UTRN: variants seen among roughly 807,000 people sequenced by gnomAD.
UTRN encodes the protein utrophin.
A neutral mutation model predicts 463.9 loss-of-function variants in UTRN; 283 were observed. The observed-to-expected ratio is 0.61, with a 90% CI of 0.55 to 0.67. UTRN has a LOEUF of 0.67. Among genes scored for constraint, UTRN ranks in the 30% least tolerant of loss-of-function variants. The probability of loss-of-function intolerance (pLI) is 0.00; values close to 1 mark genes in which losing one functional copy is unlikely to be tolerated. For synonymous variants in UTRN, 1,442 were observed against 1,431.5 expected, an observed-to-expected ratio of 1.01 and a Z score of -0.17; for missense variants, 3,922 against 4,084.3, an observed-to-expected ratio of 0.96 and a Z score of 1.08.
At chr6:144,542,937 C>A in intron 46 of UTRN, 67 bp downstream of exon 46, 1 of 1,322,936 alleles carries the variant, frequency 7.6e-7, no homozygotes, top group Non-Finnish European at 1.0e-6. Flanking sequence ...TGATATGAGC[C>A]TCATACATGA....
At chr6:144,640,864 A>T (rs1308242786) in intron 51 of UTRN, among the ~76,000 whole-genome samples, 1 of 152,222 alleles carries the variant, frequency 6.6e-6, no homozygotes, top group African/African-American at 2.4e-5. Context: ...TCTTTTGGTT[A>T]TCAGTTTCAT....
intron 72 of UTRN, 108 bp downstream of exon 72, chr6:144,839,392 A>G: frequency 2.4e-6 from 2 of 835,254 alleles, no homozygotes; most frequent in Non-Finnish European, 3.6e-6. Context: ...CTTAGGAAGT[A>G]AAAGAGTTTT....
chr6:144,485,250 C>T (rs1025509653), intron 27 of UTRN, 135 bp from the exon 28 acceptor site: 9 of 1,312,424 alleles, frequency 6.9e-6, no homozygotes, highest in Non-Finnish European at 9.4e-6. Context: ...TTTGAAGTTT[C>T]AACTCCATCA....
At chr6:144,588,031 T>C (rs1242515277) in intron 51 of UTRN, among the ~76,000 whole-genome samples, 1 of 152,198 alleles carries the variant, frequency 6.6e-6, no homozygotes, top group Non-Finnish European at 1.5e-5. Flanking sequence ...TCTCTATGGA[T>C]GCTGTAGGTG....
chr6:144,415,788 G>A (rs929743449), intron 3 of UTRN, among the ~76,000 whole-genome samples: 1 of 152,154 alleles, frequency 6.6e-6, no homozygotes, highest in African/African-American at 2.4e-5. Flanking sequence ...AGATCAGTTG[G>A]CTGGAGCTGG....
At chr6:144,572,549 C>G (rs1392351959) in intron 50 of UTRN, among the ~76,000 whole-genome samples, 1 of 150,830 alleles carries the variant, frequency 6.6e-6, no homozygotes, top group Non-Finnish European at 1.5e-5. Flanking sequence ...CCTTCCCTTG[C>G]CCCCCACCCC....
At chr6:144,410,608 T>C (rs1783803153) in intron 3 of UTRN, among the ~76,000 whole-genome samples, 1 of 145,098 alleles carries the variant, frequency 6.9e-6, no homozygotes, top group African/African-American at 2.5e-5. Context: ...CCAAAGTCCA[T>C]TGTATCATTC....
intron 71 of UTRN, 102 bp downstream of exon 71, chr6:144,836,643 C>G: frequency 6.7e-7 from 1 of 1,490,790 alleles, no homozygotes; most frequent in Non-Finnish European, 9.0e-7. Context: ...AGTCCACTTT[C>G]AATTTCTTAC....
At chr6:144,789,054 A>G in intron 61 of UTRN, 140 bp from the exon 62 acceptor site, 1 of 669,298 alleles carries the variant, frequency 1.5e-6, no homozygotes, top group Non-Finnish European at 2.5e-6. Flanking sequence ...TTAATTGTTA[A>G]AAGTTAATAG....
chr6:144,803,062 A>G lies in UTRN; in HGVS notation c.9272A>G (p.Tyr3091Cys). 3 of 1,587,200 alleles carry G rather than the reference A, an allele frequency of 1.9e-6. No homozygotes were observed. The highest frequency in any genetic ancestry group is 1.4e-5 in the African/African-American group (1 of 74,054). Reference sequence around the variant, plus strand: ...TATAGAAGCCTTAAGCATTTTAACTATGATGTCTGCCAGAGTTGTTTCTTT... The same window carrying G: ...TATAGAAGCCTTAAGCATTTTAACTGTGATGTCTGCCAGAGTTGTTTCTTT... Reference protein sequence around the residue: ...FRYRSLKHFNYDVCQSCFFSG... With the variant: ...FRYRSLKHFNCDVCQSCFFSG... The change falls in exon 65 of 75, where the codon TAT becomes TGT. Residue 3091 changes from tyrosine (Y) to cysteine (C), a missense_variant. Around this residue, in one of 3 missense-constraint regions of UTRN, gnomAD observed 1,309 missense variants for 1,452.6 expected, o/e 0.90. Coordinates refer to ENST00000367545, the MANE Select transcript of UTRN (RefSeq NM_007124.3).
intron 2 of UTRN, among the ~76,000 whole-genome samples, chr6:144,294,495 T>C (rs1181240766): frequency 1.3e-5 from 2 of 152,202 alleles, no homozygotes; most frequent in African/African-American, 4.8e-5. Context: ...ATCCTCTGTC[T>C]ACATGCTGTA....
intron 2 of UTRN, among the ~76,000 whole-genome samples, chr6:144,295,990 C>T (rs902409162): frequency 2.6e-5 from 4 of 152,312 alleles, no homozygotes; most frequent in Admixed American, 2.0e-4. Flanking sequence ...CAGAGATCTT[C>T]CTTGCTGACT....
At position 144,494,848 on chromosome 6, in the gene UTRN, T is replaced by C. The variant is rs545181001; in HGVS notation, c.4593+1392T>C. ...CCTTGAGCTAGATACAGAGTGCCAA[T>C]TGGTGTATTTACAATCCCTTAGCTA... On this transcript the variant is annotated intron_variant, in intron 33 of 74. Coordinates refer to ENST00000367545, the MANE Select transcript of UTRN (RefSeq NM_007124.3). Among the ~76,000 whole-genome samples, 5 of 150,908 alleles carry C rather than the reference T, an allele frequency of 3.3e-5. 1 individual carries two copies. The East Asian group carries it at 9.8e-4, about 29-fold the overall frequency.
At chr6:144,438,068 C>A (rs1786761322) in intron 11 of UTRN, among the ~76,000 whole-genome samples, 1 of 152,146 alleles carries the variant, frequency 6.6e-6, no homozygotes, top group African/African-American at 2.4e-5. Flanking sequence ...GAGTTTGAGA[C>A]CAGCCTGGGC....
At chr6:144,365,462 T>C (rs557777984) in intron 2 of UTRN, among the ~76,000 whole-genome samples, 1 of 152,304 alleles carries the variant, frequency 6.6e-6, no homozygotes, top group African/African-American at 2.4e-5. Context: ...CATAAACCAC[T>C]TAGGATTCTC....
At chr6:144,669,284 T>A (rs1297949594) in intron 51 of UTRN, among the ~76,000 whole-genome samples, 7 of 152,342 alleles carry the variant, frequency 4.6e-5, no homozygotes, top group African/African-American at 1.7e-4. Flanking sequence ...CTCAGAGAAG[T>A]ATAGAGATGA....
chr6:144,517,087 G>T, intron 39 of UTRN, 139 bp downstream of exon 39: 1 of 710,150 alleles, frequency 1.4e-6, no homozygotes, highest in Non-Finnish European at 2.0e-6. Flanking sequence ...TGTGTTACTA[G>T]ATGTGTTCAT....
At position 144,848,869 on chromosome 6, in the gene UTRN, T is replaced by C. The variant is rs576641173; in HGVS notation, c.10293+2042T>C. Among the ~76,000 whole-genome samples the C allele has an allele frequency of 8.5e-5, 13 of 152,240 alleles. No homozygotes were observed. The South Asian group carries it at 2.7e-3, about 32-fold the overall frequency. ...GAACATGACCTACGGAGTCAGTAGA[T>C]GACTGCATAATGGAGTCATATAGTC... On this transcript the variant is annotated intron_variant, in intron 74 of 74. Coordinates refer to ENST00000367545, the MANE Select transcript of UTRN (RefSeq NM_007124.3).
At chr6:144,640,142 G>A (rs918097754) in intron 51 of UTRN, among the ~76,000 whole-genome samples, 1 of 152,254 alleles carries the variant, frequency 6.6e-6, no homozygotes, top group South Asian at 2.1e-4. Flanking sequence ...TTTTGAAAAT[G>A]TGTTGGTTCT....
Sources: allele counts gnomAD v4.1 joint callset (sites outside exome capture counted in the v4.1 genomes callset), GRCh38; gene constraint gnomAD v4.1.1; regional missense constraint gnomAD v4.1.1; transcripts MANE v1.5; gene names NCBI Gene and HGNC (gene_info 2026-07-23, HGNC 2026-07-21).